Variants in FGF12 observed in about 807,000 individuals in gnomAD.
FGF12 encodes the protein fibroblast growth factor 12, also known as fibroblast growth factor 12B.
Under a neutral mutation model 23.6 loss-of-function variants are expected in FGF12, and 14 were observed. That is an observed-to-expected ratio of 0.59 (90% CI 0.39 to 0.93). FGF12 has a LOEUF of 0.93. Among genes scored for constraint, FGF12 ranks in the 40% least tolerant of loss-of-function variants. The pLI is 0.00. For missense variants in FGF12, 175 were observed against 217.8 expected (o/e 0.80, Z 1.24); for synonymous variants, 62 against 77.3 (o/e 0.80, Z 1.04).
At chr3:192,622,321 C>T (rs1577083717) in intron 2 of FGF12, among the ~76,000 whole-genome samples, 1 of 152,102 alleles carries the variant, frequency 6.6e-6, no homozygotes, top group Non-Finnish European at 1.5e-5. Context: ...ATCATCGAAC[C>T]GATGAGACAG....
At chr3:192,225,069 T>C (rs1207267354) in intron 4 of FGF12, among the ~76,000 whole-genome samples, 2 of 152,164 alleles carry the variant, frequency 1.3e-5, no homozygotes, top group Non-Finnish European at 2.9e-5. Context: ...AAATGAAGAC[T>C]TGCCACAACT....
chr3:192,264,997 G>A (rs1392073727), intron 4 of FGF12, among the ~76,000 whole-genome samples: 2 of 152,024 alleles, frequency 1.3e-5, no homozygotes, highest in African/African-American at 4.8e-5. Context: ...ACATAATCAG[G>A]CTTGCATCAT....
intron 2 of FGF12, among the ~76,000 whole-genome samples, chr3:192,652,114 A>T (rs1337966901): frequency 6.6e-6 from 1 of 152,222 alleles, no homozygotes; most frequent in Non-Finnish European, 1.5e-5. Context: ...GGACTTCTAG[A>T]TCTTACACTT....
intron 2 of FGF12, among the ~76,000 whole-genome samples, chr3:192,679,981 A>G (rs934072040): frequency 4.6e-5 from 7 of 152,310 alleles, no homozygotes; most frequent in African/African-American, 1.7e-4. Context: ...TCACATTTTA[A>G]AAGTGGAAAT....
intron 4 of FGF12, among the ~76,000 whole-genome samples, chr3:192,317,714 C>A (rs1212764269): frequency 6.6e-6 from 1 of 152,108 alleles, no homozygotes; most frequent in Non-Finnish European, 1.5e-5. Context: ...GATTACAGAG[C>A]CCTTGGGCCT....
intron 2 of FGF12, among the ~76,000 whole-genome samples, chr3:192,488,051 A>C (rs181161285): frequency 2.0e-5 from 3 of 152,202 alleles, no homozygotes; most frequent in Admixed American, 2.0e-4. Context: ...AAATAACAGA[A>C]GCATCGTCTA....
At chr3:192,201,578 G>A (rs114315138) in intron 4 of FGF12, among the ~76,000 whole-genome samples, 3,209 of 152,168 alleles carry the variant, frequency 0.021, 126 homozygotes, top group African/African-American at 0.072. Flanking sequence ...CTTGTAACCC[G>A]CAGAGCTTGA....
intron 4 of FGF12, among the ~76,000 whole-genome samples, chr3:192,243,857 G>A (rs1322659983): frequency 6.6e-6 from 1 of 151,952 alleles, no homozygotes; most frequent in African/African-American, 2.4e-5. Flanking sequence ...GAATATAAAA[G>A]GGTTCCTTCA....
intron 2 of FGF12, among the ~76,000 whole-genome samples, chr3:192,560,532 A>G (rs1195680982): frequency 1.3e-5 from 2 of 152,114 alleles, no homozygotes; most frequent in Non-Finnish European, 2.9e-5. Context: ...TGTAGATTCT[A>G]TGGGCAAATA....
chr3:192,541,630 C>T (rs181101009), intron 2 of FGF12, among the ~76,000 whole-genome samples: 1 of 152,020 alleles, frequency 6.6e-6, no homozygotes, highest in East Asian at 1.9e-4. Flanking sequence ...AGTTTTGCAC[C>T]TTCAGATGAT....
chr3:192,436,076 G>C (rs1293818592), intron 2 of FGF12, among the ~76,000 whole-genome samples: 2 of 152,130 alleles, frequency 1.3e-5, no homozygotes. Flanking sequence ...CTTCACGCCA[G>C]GCCTCGTGCT....
chr3:192,462,549 A>T (rs1215856499), intron 2 of FGF12, among the ~76,000 whole-genome samples: 1 of 152,172 alleles, frequency 6.6e-6, no homozygotes, highest in Non-Finnish European at 1.5e-5. Flanking sequence ...AATCTCCATA[A>T]GTGTAAGAAA....
chr3:192,265,211 TATCTC>T (rs1713006721), intron 4 of FGF12: 3 of 152,178 alleles, frequency 2.0e-5, no homozygotes, highest in African/African-American at 7.2e-5. Context: ...AGTCAAGTCT[TATCTC>T]AGATGATTTT....
At chr3:192,276,740 C>T (rs1294933078) in intron 4 of FGF12, among the ~76,000 whole-genome samples, 1 of 152,058 alleles carries the variant, frequency 6.6e-6, no homozygotes, top group Non-Finnish European at 1.5e-5. Flanking sequence ...TCTAACTTGC[C>T]CCCTCTACCT....
At chr3:192,346,872 A>C (rs1717991155) in intron 3 of FGF12, among the ~76,000 whole-genome samples, 1 of 152,150 alleles carries the variant, frequency 6.6e-6, no homozygotes, top group African/African-American at 2.4e-5. Flanking sequence ...AGCATGAAAC[A>C]TTCCATAAAA....
intron 4 of FGF12, among the ~76,000 whole-genome samples, chr3:192,213,354 G>A (rs1167376348): frequency 6.6e-6 from 1 of 152,040 alleles, no homozygotes; most frequent in Non-Finnish European, 1.5e-5. Context: ...ACCCTTTTAA[G>A]AGGGAACACC....
intron 2 of FGF12, among the ~76,000 whole-genome samples, chr3:192,631,275 C>T (rs761179973): frequency 1.3e-5 from 2 of 152,160 alleles, no homozygotes; most frequent in Non-Finnish European, 2.9e-5. Context: ...CTAGGTCCTA[C>T]GACTCTGATG....
intron 2 of FGF12, among the ~76,000 whole-genome samples, chr3:192,457,893 G>A (rs1446269161): frequency 6.6e-6 from 1 of 152,186 alleles, no homozygotes; most frequent in African/African-American, 2.4e-5. Flanking sequence ...AAGTGGTTTT[G>A]TGGGCTGGGC....
intron 2 of FGF12, among the ~76,000 whole-genome samples, chr3:192,525,700 A>G (rs938599499): frequency 3.3e-5 from 5 of 152,308 alleles, no homozygotes; most frequent in African/African-American, 7.2e-5. Flanking sequence ...CATAAAACCT[A>G]CGATGATTTG....
Sources: gnomAD v4.1 joint callset for allele counts (sites outside exome capture counted in the v4.1 genomes callset) on GRCh38, gnomAD v4.1.1 for gene constraint, MANE v1.5 for transcripts, NCBI Gene and HGNC (gene_info 2026-07-23, HGNC 2026-07-21) for gene names.